The following ALDH4A1 variants were observed in gnomAD, a reference collection of about 807,000 sequenced individuals.
ALDH4A1 encodes the protein delta-1-pyrroline-5-carboxylate dehydrogenase, mitochondrial.
Under a neutral mutation model 70.5 loss-of-function variants are expected in ALDH4A1, and 46 were observed. The observed-to-expected ratio is 0.65, with a 90% CI of 0.51 to 0.83. The LOEUF (loss-of-function observed/expected upper bound fraction) is 0.83, where lower values mean the gene tolerates loss of function less well. ALDH4A1 is among the 40% of genes least tolerant of loss of function. ALDH4A1 has a pLI of 0.00. For missense variants in ALDH4A1, 749 were observed against 766.5 expected (o/e 0.98, Z 0.27); for synonymous variants, 323 against 324.3 (o/e 1.00, Z 0.04).
chr1:18,902,446 C>A lies in ALDH4A1; in HGVS notation c.62+16G>T. Reference sequence around the variant, plus strand: ...AGGCGCGCGCTCGGGCCGCCCCGGGCCCCGTGCTCACTCACCCGGCCCCGG... The same window carrying A: ...AGGCGCGCGCTCGGGCCGCCCCGGGACCCGTGCTCACTCACCCGGCCCCGG... On this transcript the variant is annotated intron_variant, in intron 1 of 14. Transcript: ENST00000375341. 7.4e-7 allele frequency: 1 copy of A among 1,351,220 alleles called. No individual in the cohort carries two copies. The highest frequency in any genetic ancestry group is 9.5e-7 in the Non-Finnish European group (1 of 1,053,776). 83.7% of individuals were successfully genotyped at this position (1,351,220 alleles called of 1,614,324 possible).
intron 9 of ALDH4A1, among the ~76,000 whole-genome samples, chr1:18,878,156 A>T (rs1934806633): frequency 6.6e-6 from 1 of 151,764 alleles, no homozygotes; most frequent in African/African-American, 2.4e-5. Context: ...CCTCCGTGGG[A>T]AGCAGCAGCT....
intron 1 of ALDH4A1, among the ~76,000 whole-genome samples, chr1:18,900,028 T>C (rs1935748812): frequency 6.6e-6 from 1 of 152,204 alleles, no homozygotes; most frequent in Non-Finnish European, 1.5e-5. Flanking sequence ...TATCTATTCA[T>C]GGAAAGTTAA....
At chr1:18,873,531 G>A (rs1472757574) in intron 14 of ALDH4A1, among the ~76,000 whole-genome samples, 1 of 152,126 alleles carries the variant, frequency 6.6e-6, no homozygotes, top group Non-Finnish European at 1.5e-5. Flanking sequence ...AGGTTGAGTC[G>A]ACCCCAATGG....
chr1:18,887,322 G>A (rs556642283), intron 3 of ALDH4A1, among the ~76,000 whole-genome samples: 38 of 152,374 alleles, frequency 2.5e-4, no homozygotes, highest in Middle Eastern at 3.4e-3. Context: ...CCTGTTGGCC[G>A]GGCGCGGTGG....
At chr1:18,901,710 T>C (rs757007271) in intron 1 of ALDH4A1, among the ~76,000 whole-genome samples, 2 of 152,106 alleles carry the variant, frequency 1.3e-5, no homozygotes, top group Non-Finnish European at 2.9e-5. Flanking sequence ...GAAGTTTAAA[T>C]AGAGGTGATA....
At chr1:18,897,840 G>A (rs746932424) in intron 1 of ALDH4A1, among the ~76,000 whole-genome samples, 8 of 152,172 alleles carry the variant, frequency 5.3e-5, no homozygotes, top group Non-Finnish European at 8.8e-5. Context: ...GAGGAAAGCC[G>A]CCGCCCCAAG....
At chr1:18,873,649 G>T (rs1934542131) in intron 14 of ALDH4A1, among the ~76,000 whole-genome samples, 2 of 152,224 alleles carry the variant, frequency 1.3e-5, no homozygotes, top group Admixed American at 1.3e-4. Context: ...TGCCAAGGGG[G>T]TGGCACAGCC....
intron 1 of ALDH4A1, among the ~76,000 whole-genome samples, chr1:18,896,645 C>T (rs1026022705): frequency 1.3e-5 from 2 of 152,192 alleles, no homozygotes; most frequent in Non-Finnish European, 2.9e-5. Context: ...GTAATCCCAA[C>T]ACTTTGGGAG....
rs1288515765 is a variant in ALDH4A1, at chr1:18,880,098, T to C, written c.867-725A>G. Reference sequence around the variant, plus strand: ...GATAGGCGGGGAGCCCAGGGGCCCGTGGCTGGCAGAGCAGGCCTTTTGGAA... The same window carrying C: ...GATAGGCGGGGAGCCCAGGGGCCCGCGGCTGGCAGAGCAGGCCTTTTGGAA... On this transcript the variant is annotated intron_variant, in intron 8 of 14. Transcript: ENST00000375341. This position sits in a 1 kb window ranked among gnomAD's most constrained non-coding sequence, Gnocchi z 5.1. 6.6e-6 allele frequency among the ~76,000 whole-genome samples: 1 copy of C among 152,146 alleles called. No individual in the cohort carries two copies. The highest frequency in any genetic ancestry group is 1.5e-5 in the Non-Finnish European group (1 of 68,028).
intron 12 of ALDH4A1, among the ~76,000 whole-genome samples, chr1:18,875,977 C>T (rs534411798): frequency 3.3e-5 from 5 of 152,370 alleles, no homozygotes; most frequent in African/African-American, 1.2e-4. Context: ...GGAACAGTAA[C>T]ACCCACGTCA....
In ALDH4A1 at chr1:18,875,350, C is replaced by T. The variant is rs774758944; in HGVS notation, c.1460+32G>A. 7 of 1,613,742 alleles carry T rather than the reference C, an allele frequency of 4.3e-6. No homozygotes were observed. The East Asian group carries it at 1.1e-4, about 26-fold the overall frequency. The stretch of plus-strand genomic sequence containing the variant: ...GGGGACACGGACAGGACACCCGGAG[C>T]ACAGCACCAGGGCTGCGGCCTGGCC... On this transcript the variant is annotated intron_variant, in intron 13 of 14. Coordinates refer to ENST00000375341, the MANE Select transcript of ALDH4A1 (RefSeq NM_003748.4).
chr1:18,887,965 T>A (rs1380545965), intron 3 of ALDH4A1, among the ~76,000 whole-genome samples: 2 of 152,210 alleles, frequency 1.3e-5, no homozygotes, highest in African/African-American at 4.8e-5. Flanking sequence ...AGGGAGAAAT[T>A]TCACTTCTTT....
intron 1 of ALDH4A1, among the ~76,000 whole-genome samples, chr1:18,902,027 C>T (rs1361861958): frequency 6.8e-6 from 1 of 147,440 alleles, no homozygotes; most frequent in African/African-American, 2.5e-5. Flanking sequence ...GAATCCGGGG[C>T]GGGATGGGGA....
At chr1:18,891,513 C>T (rs186549472) in intron 1 of ALDH4A1, among the ~76,000 whole-genome samples, 1 of 152,200 alleles carries the variant, frequency 6.6e-6, no homozygotes, top group Non-Finnish European at 1.5e-5. Flanking sequence ...AAACACACAG[C>T]GTAGGGAACC....
At chr1:18,874,654 C>G in intron 13 of ALDH4A1, 73 bp from the exon 14 acceptor site, 1 of 1,423,274 alleles carries the variant, frequency 7.0e-7, no homozygotes. Context: ...CCTCAACACC[C>G]CTGCTCCAGC....
intron 11 of ALDH4A1, 114 bp downstream of exon 11, chr1:18,877,094 A>G: frequency 7.4e-7 from 1 of 1,349,714 alleles, no homozygotes; most frequent in East Asian, 2.5e-5. Flanking sequence ...TGCCTTGATC[A>G]AAGCAGTGGG....
At chr1:18,891,599 C>A (rs574875908) in intron 1 of ALDH4A1, among the ~76,000 whole-genome samples, 27 of 152,264 alleles carry the variant, frequency 1.8e-4, no homozygotes, top group Admixed American at 1.6e-3. Flanking sequence ...TTTAAGGAAG[C>A]CACGGTTAGC....
chr1:18,881,893 CG>C lies in ALDH4A1; in HGVS notation c.679-7del. ...TTCCATAGGACCACGTTGCCCTGCC[CG>C]GGAGGTGTTTCAGTGATGCATGAGG... is the stretch of plus-strand genomic sequence containing the variant. On this transcript the variant is annotated splice_polypyrimidine_tract_variant and splice_region_variant and intron_variant, in intron 7 of 14. Transcript: ENST00000375341. 1 of 1,612,496 alleles carries C rather than the reference CG, an allele frequency of 6.2e-7. No homozygotes were observed.
At chr1:18,879,241 A>G in intron 9 of ALDH4A1, 59 bp downstream of exon 9, 1 of 1,495,890 alleles carries the variant, frequency 6.7e-7, no homozygotes, top group South Asian at 1.2e-5. Flanking sequence ...CCTCTTTCAT[A>G]ATGGCCAGGG....
Sources: allele counts gnomAD v4.1 joint callset (sites outside exome capture counted in the v4.1 genomes callset), GRCh38; gene constraint gnomAD v4.1.1; non-coding constraint Gnocchi (gnomAD v3.1); transcripts MANE v1.5; gene names NCBI Gene and HGNC (gene_info 2026-07-23, HGNC 2026-07-21).